GXYLT1: variants seen among roughly 807,000 people sequenced by gnomAD.
GXYLT1 encodes the protein glycosyltransferase 8 domain containing 3.
A neutral mutation model predicts 54.0 loss-of-function variants in GXYLT1; 29 were observed. That is an observed-to-expected ratio of 0.54 (90% CI 0.40 to 0.73). The LOEUF is 0.73. GXYLT1 is among the 30% of genes least tolerant of loss of function. GXYLT1 has a pLI of 0.00. For missense variants in GXYLT1, 490 were observed against 553.4 expected, an observed-to-expected ratio of 0.89 and a Z score of 1.15; for synonymous variants, 176 against 204.1, an observed-to-expected ratio of 0.86 and a Z score of 1.17.
intron 1 of GXYLT1, among the ~76,000 whole-genome samples, chr12:42,135,254 G>A (rs2065613225): frequency 1.3e-5 from 2 of 152,208 alleles, no homozygotes; most frequent in Non-Finnish European, 2.9e-5. Flanking sequence ...TTGGATCCCA[G>A]GATGAGAAGA....
intron 1 of GXYLT1, among the ~76,000 whole-genome samples, chr12:42,139,195 C>G (rs964644522): frequency 6.6e-6 from 1 of 151,494 alleles, no homozygotes; most frequent in African/African-American, 2.4e-5. Context: ...GAAACCTTGT[C>G]TCAGAAATAA....
At chr12:42,109,773 A>G in intron 3 of GXYLT1, 82 bp from the exon 4 acceptor site, 9 of 884,942 alleles carry the variant, frequency 1.0e-5, no homozygotes, top group Non-Finnish European at 1.5e-5. Flanking sequence ...TATAAAACAA[A>G]AGAGCTAAAA....
intron 2 of GXYLT1, among the ~76,000 whole-genome samples, chr12:42,123,132 C>A (rs1247222149): frequency 6.6e-6 from 1 of 152,120 alleles, no homozygotes; most frequent in Non-Finnish European, 1.5e-5. Flanking sequence ...ACTAACTCAA[C>A]CTGAGTTGAA....
chr12:42,104,047 A>C (rs2065404952), intron 5 of GXYLT1, among the ~76,000 whole-genome samples: 1 of 152,184 alleles, frequency 6.6e-6, no homozygotes, highest in African/African-American at 2.4e-5. Context: ...CCAGGAGTTC[A>C]AGACCAGCCT....
chr12:42,106,743 C>CT (rs1231770611), intron 4 of GXYLT1, among the ~76,000 whole-genome samples: 2,371 of 127,612 alleles, frequency 0.019, 54 homozygotes, highest in African/African-American at 0.034. Flanking sequence ...TATTATTTTT[C>CT]TTTTTTTTTT....
At chr12:42,128,904 G>A (rs973163162) in intron 2 of GXYLT1, among the ~76,000 whole-genome samples, 7 of 151,914 alleles carry the variant, frequency 4.6e-5, no homozygotes, top group South Asian at 4.2e-4. Flanking sequence ...TTGAACTCCC[G>A]GGCTCAAGCA....
At chr12:42,129,252 A>AAGTCAGT (rs2136914881) in intron 2 of GXYLT1, among the ~76,000 whole-genome samples, 1 of 152,310 alleles carries the variant, frequency 6.6e-6, no homozygotes, top group East Asian at 1.9e-4. Context: ...AAAGGTCAAT[A>AAGTCAGT]AACATTAAAG....
chr12:42,106,727 AATT>A (rs949957394), intron 4 of GXYLT1, among the ~76,000 whole-genome samples: 8 of 151,244 alleles, frequency 5.3e-5, no homozygotes, highest in African/African-American at 1.9e-4. Context: ...TTTTAAGGAT[AATT>A]ATTATTATTT....
At chr12:42,097,756 T>G in intron 6 of GXYLT1, 142 bp from the exon 7 acceptor site, 4 of 1,017,788 alleles carry the variant, frequency 3.9e-6, no homozygotes, top group Non-Finnish European at 5.7e-6. Context: ...CTCTTCCAAT[T>G]AAAGCAAAAT....
Position 42,144,660 on chromosome 12 carries a change from C to G in GXYLT1, c.-14G>C. 7.0e-7 allele frequency: 1 copy of G among 1,423,344 alleles called. No individual in the cohort carries two copies. Among genetic ancestry groups the G allele is most frequent in the Non-Finnish European group, 9.2e-7 (1 of 1,084,884 alleles). 88.2% of individuals were successfully genotyped at this position (1,423,344 alleles called of 1,614,324 possible). A position where few individuals can be genotyped will look rare whatever the true frequency, so the allele number is the denominator to read the frequency against. ...GTAGCGCCGCATCGCCCCGGCCGCG[C>G]TCCTCCTTCGCCGCCGCCGCCGCGC... On this transcript the variant is annotated 5_prime_UTR_variant, in exon 1 of 8. Coordinates refer to ENST00000398675, the MANE Select transcript of GXYLT1 (RefSeq NM_173601.2).
rs2065257214 is a variant in GXYLT1, at chr12:42,082,063, T to C, written c.*5723A>G. On this transcript the variant is annotated 3_prime_UTR_variant, in exon 8 of 8. Transcript: ENST00000398675. ...AAAATATTCACAGTATACCAAAACATTTTAAGATAAAGAGCAGTGTAAGAG... is the reference window on the plus strand; with the variant it reads ...AAAATATTCACAGTATACCAAAACACTTTAAGATAAAGAGCAGTGTAAGAG... 1 of 152,190 alleles carries C rather than the reference T, an allele frequency of 6.6e-6. No homozygotes were observed. The highest frequency in any genetic ancestry group is 1.5e-5 in the Non-Finnish European group (1 of 68,034). The allele number at this position is 152,190 out of a possible 1,614,324, so 9.4% of individuals were successfully genotyped here. A position where few individuals can be genotyped will look rare whatever the true frequency, so the allele number is the denominator to read the frequency against.
intron 1 of GXYLT1, among the ~76,000 whole-genome samples, chr12:42,133,051 G>C (rs1373471292): frequency 1.3e-5 from 2 of 152,118 alleles, no homozygotes; most frequent in East Asian, 1.9e-4. Flanking sequence ...GGGAGGCCAA[G>C]GTAGGCGGAT....
In GXYLT1 at chr12:42,098,004, C is replaced by A; in HGVS notation, c.894G>T (p.Trp298Cys). Residue 298 changes from tryptophan to cysteine, a missense_variant, in exon 6 of 8, where the codon TGG becomes TGT. Trp to Cys is a radical substitution (Grantham distance 215). Around this residue, in one of 2 missense-constraint regions of GXYLT1, gnomAD observed 342 missense variants for 342.6 expected, o/e 1.00. Transcript: ENST00000398675. ...TAAGCAATGGCATAAGTATATCTCC[C>A]CATTGTAGTCGTACAGTTGTCATAT... is the stretch of plus-strand genomic sequence containing the variant. ...KNDMTTVRLQ[W>C]GDILMPLLKK... 1 of 1,607,700 alleles carries A rather than the reference C, an allele frequency of 6.2e-7. No homozygotes were observed. The highest frequency in any genetic ancestry group is 1.1e-5 in the South Asian group (1 of 90,522).
In GXYLT1 at chr12:42,137,719, T is replaced by C. The variant is rs549247490; in HGVS notation, c.221+6707A>G. On this transcript the variant is annotated intron_variant, in intron 1 of 7. Coordinates refer to ENST00000398675, the MANE Select transcript of GXYLT1 (RefSeq NM_173601.2). ...TTGCCTTGAGCCGAGATCATGCCAC[T>C]GCACTCCAGCCTAAGTGACAGAGCG... Among the ~76,000 whole-genome samples the C allele has an allele frequency of 3.9e-5, 5 of 127,544 alleles. No homozygotes were observed. The Admixed American group carries it at 4.6e-4, about 12-fold the overall frequency. 83.7% of individuals were successfully genotyped at this position (127,544 alleles called of 152,430 possible).
At chr12:42,088,960 T>A (rs895043220) in intron 7 of GXYLT1, among the ~76,000 whole-genome samples, 1 of 147,430 alleles carries the variant, frequency 6.8e-6, no homozygotes, top group African/African-American at 2.5e-5. Context: ...TGAACTTGGA[T>A]GTTTGTTTAA....
At chr12:42,131,478 GT>G (rs1478361968) in intron 1 of GXYLT1, among the ~76,000 whole-genome samples, 3 of 152,172 alleles carry the variant, frequency 2.0e-5, no homozygotes, top group African/African-American at 7.2e-5. Flanking sequence ...GGCACTGGTG[GT>G]TTTTAAAATG....
intron 4 of GXYLT1, among the ~76,000 whole-genome samples, chr12:42,107,871 T>C (rs1190893599): frequency 6.6e-6 from 1 of 152,202 alleles, no homozygotes; most frequent in Non-Finnish European, 1.5e-5. Flanking sequence ...TCAAGTTCAA[T>C]GCTGGGAGCC....
intron 2 of GXYLT1, among the ~76,000 whole-genome samples, chr12:42,128,484 T>C (rs1489081220): frequency 6.6e-6 from 1 of 152,130 alleles, no homozygotes; most frequent in Non-Finnish European, 1.5e-5. Flanking sequence ...TTCCAGATCA[T>C]CATCTGGTCA....
chr12:42,130,925 T>C (rs1054922291), intron 1 of GXYLT1, among the ~76,000 whole-genome samples: 1 of 152,156 alleles, frequency 6.6e-6, no homozygotes, highest in Non-Finnish European at 1.5e-5. Context: ...CCAGCCTGGC[T>C]GAACACAGCA....
Sources: allele counts gnomAD v4.1 joint callset (sites outside exome capture counted in the v4.1 genomes callset), GRCh38; gene constraint gnomAD v4.1.1; regional missense constraint gnomAD v4.1.1; transcripts MANE v1.5; gene names NCBI Gene and HGNC (gene_info 2026-07-23, HGNC 2026-07-21).